MTG2: variants seen among roughly 807,000 people sequenced by gnomAD.
The protein encoded by MTG2 is mitochondrial ribosome-associated GTPase 2.
In MTG2, 23 loss-of-function variants were observed where a neutral mutation model predicts 28.6. The observed-to-expected ratio is 0.80, with a 90% CI of 0.58 to 1.14. MTG2 has a LOEUF of 1.14. Among genes scored for constraint, MTG2 ranks in the 50% most tolerant of loss-of-function variants. The probability of loss-of-function intolerance (pLI) is 0.00; values close to 1 mark genes in which losing one functional copy is unlikely to be tolerated. For missense variants in MTG2, 539 were observed against 552.0 expected (o/e 0.98, Z 0.24); for synonymous variants, 260 against 251.8 (o/e 1.03, Z -0.31).
chr20:62,184,378 A>G (rs2057797011), intron 1 of MTG2, among the ~76,000 whole-genome samples: 1 of 152,176 alleles, frequency 6.6e-6, no homozygotes, highest in African/African-American at 2.4e-5. Context: ...CCAAAAAAAA[A>G]AAATCAGGTT....
chr20:62,198,602 A>G, intron 4 of MTG2, 32 bp from the exon 5 acceptor site: 1 of 1,605,426 alleles, frequency 6.2e-7, no homozygotes, highest in Non-Finnish European at 8.5e-7. Context: ...CTGCTGGTAG[A>G]GCTCAGCTGA....
intron 3 of MTG2, among the ~76,000 whole-genome samples, chr20:62,196,795 G>A (rs1398261296): frequency 1.3e-5 from 2 of 151,906 alleles, no homozygotes; most frequent in African/African-American, 2.4e-5. Flanking sequence ...TTGGGAGACC[G>A]AGGCGGGTGG....
chr20:62,201,278 C>T lies in MTG2; in HGVS notation c.*201C>T, dbSNP rs921256243. 1 of 641,086 alleles carries T rather than the reference C, an allele frequency of 1.6e-6. No homozygotes were observed. Among genetic ancestry groups the T allele is most frequent in the Non-Finnish European group, 2.6e-6 (1 of 380,096 alleles). 39.7% of individuals were successfully genotyped at this position (641,086 alleles called of 1,614,324 possible). A position where few individuals can be genotyped will look rare whatever the true frequency, so the allele number is the denominator to read the frequency against. Reference sequence around the variant, plus strand: ...CTACCCCGCCTGCCCTCCGTATTTCCTGCACCTGTCAGCCTGCACCGACTG... The same window carrying T: ...CTACCCCGCCTGCCCTCCGTATTTCTTGCACCTGTCAGCCTGCACCGACTG... On this transcript the variant is annotated 3_prime_UTR_variant, in exon 7 of 7. Coordinates refer to ENST00000370823, the MANE Select transcript of MTG2 (RefSeq NM_015666.4).
rs2058158564 is a variant in MTG2, at chr20:62,200,943, T to C, written c.1087T>C (p.Leu363=). 1.2e-6 allele frequency: 2 copies of C among 1,613,926 alleles called. No individual in the cohort carries two copies. Among genetic ancestry groups the C allele is most frequent in the Middle Eastern group, 1.6e-4 (1 of 6,084 alleles). The change falls in exon 7 of 7, where the codon TTG becomes CTG. Residue 363 remains leucine (L), a synonymous_variant. Coordinates refer to ENST00000370823, the MANE Select transcript of MTG2 (RefSeq NM_015666.4). The part of the protein sequence containing the change: ...QANLSQLRDH[L]GQEVIVLSAL... ...CAATCTGTCCCAGCTCCGGGATCAC[T>C]TGGGACAGGAGGTCATCGTGCTGTC... is the stretch of plus-strand genomic sequence containing the variant.
chr20:62,188,128 CAAA>C (rs11474675), intron 1 of MTG2, among the ~76,000 whole-genome samples: 3 of 121,788 alleles, frequency 2.5e-5, no homozygotes, highest in Non-Finnish European at 3.3e-5. Flanking sequence ...GAGACTGTCT[CAAA>C]AAAAAAAAAA....
chr20:62,185,650 A>G (rs2057828716), intron 1 of MTG2, among the ~76,000 whole-genome samples: 3 of 151,962 alleles, frequency 2.0e-5, no homozygotes, highest in Admixed American at 2.0e-4. Context: ...TCAAAAAAAA[A>G]CCTTTCTGTG....
chr20:62,195,271 A>G (rs1205599828), intron 2 of MTG2, among the ~76,000 whole-genome samples: 4 of 152,204 alleles, frequency 2.6e-5, no homozygotes, highest in Admixed American at 6.5e-5. Context: ...TTTTTAAATG[A>G]GCCCTGTTTT....
chr20:62,198,994 G>T (rs539234342), intron 5 of MTG2, 125 bp from the exon 6 acceptor site: 3 of 1,541,718 alleles, frequency 1.9e-6, no homozygotes, highest in Non-Finnish European at 2.7e-6. Context: ...TGACTTGGTC[G>T]TGAGCATGAG....
chr20:62,185,920 C>T (rs2057834254), intron 1 of MTG2, among the ~76,000 whole-genome samples: 1 of 152,114 alleles, frequency 6.6e-6, no homozygotes, highest in Non-Finnish European at 1.5e-5. Context: ...ACTCAGCGGG[C>T]CTCCAAAGAG....
intron 1 of MTG2, among the ~76,000 whole-genome samples, chr20:62,184,337 A>G (rs753981143): frequency 3.9e-5 from 6 of 152,058 alleles, no homozygotes; most frequent in South Asian, 2.1e-4. Context: ...CAGCCTAGGC[A>G]ACAGAGCGAG....
chr20:62,183,304 C>T (rs2057760795), intron 1 of MTG2, among the ~76,000 whole-genome samples: 1 of 152,216 alleles, frequency 6.6e-6, no homozygotes, highest in Non-Finnish European at 1.5e-5. Context: ...TCCTGCCCCA[C>T]TCTCTCCGCA....
rs1438748904 is a variant in MTG2 at position 62,199,373 on chromosome 20, T to A, written c.826+116T>A. On this transcript the variant is annotated intron_variant, in intron 6 of 6. Coordinates refer to ENST00000370823, the MANE Select transcript of MTG2 (RefSeq NM_015666.4). ...AAAATGTAGCATTGTTGGCCAGGCG[T>A]GGTGGCTCACACCTGTAACCCCAGC... 7.4e-6 allele frequency: 10 copies of A among 1,352,042 alleles called. No homozygotes were observed. The highest frequency in any genetic ancestry group is 1.0e-5 in the Non-Finnish European group (10 of 1,002,468). 83.8% of individuals were successfully genotyped at this position (1,352,042 alleles called of 1,614,324 possible).
At chr20:62,194,334 C>T (rs1018051574) in intron 2 of MTG2, among the ~76,000 whole-genome samples, 5 of 152,198 alleles carry the variant, frequency 3.3e-5, no homozygotes, top group Non-Finnish European at 7.3e-5. Context: ...AGTGGAAAAG[C>T]CGCTTTGGTG....
Position 62,201,344 on chromosome 20 carries a change from A to C in MTG2, c.*267A>C. On this transcript the variant is annotated 3_prime_UTR_variant, in exon 7 of 7. Transcript: ENST00000370823. The stretch of plus-strand genomic sequence containing the variant: ...ATTTGTGCTGATTAACACCCCTAAT[A>C]AGGGGTTGGGGTGCCCATAACGGGG... 3 of 489,516 alleles carry C rather than the reference A, an allele frequency of 6.1e-6. No homozygotes were observed. Among genetic ancestry groups the C allele is most frequent in the Non-Finnish European group, 7.3e-6 (2 of 273,958 alleles). 30.3% of individuals were successfully genotyped at this position (489,516 alleles called of 1,614,324 possible).
In MTG2 at chr20:62,199,232, C is replaced by T. The variant is rs1568791854; in HGVS notation, c.801C>T (p.His267=). 1.2e-6 allele frequency: 2 copies of T among 1,613,844 alleles called. No individual in the cohort carries two copies. Among genetic ancestry groups the T allele is most frequent in the Non-Finnish European group, 1.7e-6 (2 of 1,179,710 alleles). Residue 267 remains histidine, a synonymous_variant, in exon 6 of 7, where the codon CAC becomes CAT. Transcript: ENST00000370823. Reference sequence around the variant, plus strand: ...TGAAGCCCCACGTCGGGATCGTCCACTACGAAGGCCACCTACAAATAGCAG... The same window carrying T: ...TGAAGCCCCACGTCGGGATCGTCCATTACGAAGGCCACCTACAAATAGCAG... ...TTLKPHVGIV[H]YEGHLQIAVA... is the part of the protein sequence containing the mutation.
At chr20:62,196,023 T>G in intron 3 of MTG2, 74 bp downstream of exon 3, 1 of 1,556,462 alleles carries the variant, frequency 6.4e-7, no homozygotes, top group South Asian at 1.2e-5. Flanking sequence ...ACTAAAAACC[T>G]GATGTATGGG....
intron 1 of MTG2, among the ~76,000 whole-genome samples, chr20:62,186,528 G>GTTTTTTTTT (rs56818308): frequency 2.4e-5 from 3 of 127,048 alleles, no homozygotes; most frequent in Admixed American, 8.7e-5. Flanking sequence ...TTTTTTTTTT[G>GTTTTTTTTT]TTTTTTTTTT....
At chr20:62,197,425 A>ATGTTT (rs1381181268) in intron 3 of MTG2, 1 of 153,938 alleles carries the variant, frequency 6.5e-6, no homozygotes, top group East Asian at 1.9e-4. Context: ...AACTTTGAAC[A>ATGTTT]TGTTTTGTTT....
At chr20:62,196,674 AAAC>A (rs146960298) in intron 3 of MTG2, among the ~76,000 whole-genome samples, 13,006 of 151,888 alleles carry the variant, frequency 0.086, 849 homozygotes, top group East Asian at 0.41. Context: ...TATCTCAAAA[AAAC>A]AAAACAAAAC....
Sources: allele counts gnomAD v4.1 joint callset (sites outside exome capture counted in the v4.1 genomes callset), GRCh38; gene constraint gnomAD v4.1.1; transcripts MANE v1.5; gene names NCBI Gene and HGNC (gene_info 2026-07-23, HGNC 2026-07-21).